The following NDST4 variants were observed in gnomAD, a reference collection of about 807,000 sequenced individuals.
The protein encoded by NDST4 is N-deacetylase and N-sulfotransferase 4.
In NDST4, 63 loss-of-function variants were observed where a neutral mutation model predicts 100.8. The observed-to-expected ratio is 0.62, with a 90% CI of 0.51 to 0.77. NDST4 has a LOEUF of 0.77. Among genes scored for constraint, NDST4 ranks in the 30% least tolerant of loss-of-function variants. NDST4 has a pLI of 0.00. For synonymous variants in NDST4, 377 were observed against 361.8 expected (o/e 1.04, Z -0.48); for missense variants, 943 against 1,018.4 (o/e 0.93, Z 1.01).
intron 6 of NDST4, among the ~76,000 whole-genome samples, chr4:114,890,305 C>T (rs951859168): frequency 2.6e-5 from 4 of 151,820 alleles, no homozygotes; most frequent in Non-Finnish European, 4.4e-5. Flanking sequence ...ATAGTTATCA[C>T]GATGACTATA....
rs551375579 is a variant in NDST4 at position 114,988,507 on chromosome 4, G to A, written c.979-11233C>T. Among the ~76,000 whole-genome samples, 36 of 151,330 alleles carry A rather than the reference G, an allele frequency of 2.4e-4. 1 individual carries two copies. The highest frequency in any genetic ancestry group is 9.2e-4 in the Admixed American group (14 of 15,170). ...CTCCCAAGTAGCTGGGACTACAGGC[G>A]CCCGCCACCACGCCTGGCTAATTTT... On this transcript the variant is annotated intron_variant, in intron 2 of 13. Transcript: ENST00000264363.
At chr4:115,051,565 C>A (rs1728584662) in intron 2 of NDST4, among the ~76,000 whole-genome samples, 1 of 152,066 alleles carries the variant, frequency 6.6e-6, no homozygotes, top group African/African-American at 2.4e-5. Context: ...GCCTCTAGTT[C>A]CATCCATGTG....
intron 1 of NDST4, among the ~76,000 whole-genome samples, chr4:115,082,874 T>C (rs1729331023): frequency 6.6e-6 from 1 of 152,166 alleles, no homozygotes; most frequent in African/African-American, 2.4e-5. Flanking sequence ...GCAAGTTTTA[T>C]TTTAATTTTA....
intron 7 of NDST4, among the ~76,000 whole-genome samples, chr4:114,854,303 A>C (rs931497412): frequency 9.9e-5 from 15 of 152,252 alleles, no homozygotes; most frequent in Non-Finnish European, 1.0e-4. Flanking sequence ...AAAATGACAA[A>C]ATCTCATTCT....
At chr4:115,075,028 G>A (rs1416222553) in intron 2 of NDST4, among the ~76,000 whole-genome samples, 1 of 152,108 alleles carries the variant, frequency 6.6e-6, no homozygotes, top group Non-Finnish European at 1.5e-5. Flanking sequence ...ACCTAATCTA[G>A]TGTAACATAT....
At chr4:114,895,615 A>G (rs1456664812) in intron 6 of NDST4, among the ~76,000 whole-genome samples, 1 of 143,766 alleles carries the variant, frequency 7.0e-6, no homozygotes, top group Non-Finnish European at 1.5e-5. Context: ...AAAAGGAGGG[A>G]CTCCTCCTTA....
At chr4:114,941,683 T>C (rs1156405538) in intron 4 of NDST4, among the ~76,000 whole-genome samples, 2 of 152,184 alleles carry the variant, frequency 1.3e-5, no homozygotes, top group African/African-American at 4.8e-5. Context: ...AGAGGCTTTT[T>C]GTTTTTAACG....
At chr4:115,098,882 T>C (rs1046041320) in intron 1 of NDST4, among the ~76,000 whole-genome samples, 1 of 152,066 alleles carries the variant, frequency 6.6e-6, no homozygotes, top group Admixed American at 6.6e-5. Flanking sequence ...TTTATATACA[T>C]ATTTTGTAGA....
intron 7 of NDST4, among the ~76,000 whole-genome samples, chr4:114,867,142 GC>G (rs1724043974): frequency 6.6e-6 from 1 of 152,086 alleles, no homozygotes; most frequent in African/African-American, 2.4e-5. Flanking sequence ...AATAGGTTGA[GC>G]TAGATGTCCC....
At chr4:115,062,644 A>G (rs1032859658) in intron 2 of NDST4, among the ~76,000 whole-genome samples, 5 of 151,542 alleles carry the variant, frequency 3.3e-5, no homozygotes, top group African/African-American at 1.2e-4. Flanking sequence ...ATTAATATAA[A>G]ATATAAAATA....
rs528392336 is a variant in NDST4, at chr4:115,004,419, C to T, written c.979-27145G>A. ...GTTTTCATCCCTATGGGAGGTAAAG[C>T]GAATTTGCAGACTGCTTTTGCAGCT... On this transcript the variant is annotated intron_variant, in intron 2 of 13. Transcript: ENST00000264363. Among the ~76,000 whole-genome samples the T allele has an allele frequency of 5.6e-4, 85 of 152,188 alleles. 1 individual carries two copies. In the South Asian group the frequency reaches 0.017, roughly 31 times the overall value.
At chr4:114,910,939 C>T (rs950671646) in intron 6 of NDST4, among the ~76,000 whole-genome samples, 2 of 152,186 alleles carry the variant, frequency 1.3e-5, no homozygotes, top group Non-Finnish European at 1.5e-5. Flanking sequence ...TCCATTATTA[C>T]TGCCTAGCTG....
At chr4:115,104,445 G>A (rs1219321042) in intron 1 of NDST4, among the ~76,000 whole-genome samples, 1 of 152,088 alleles carries the variant, frequency 6.6e-6, no homozygotes, top group African/African-American at 2.4e-5. Context: ...CAGTTGGTCA[G>A]AAGACCAACT....
At chr4:115,033,157 A>ATATATATATTT (rs1491126767) in intron 2 of NDST4, among the ~76,000 whole-genome samples, 1 of 59,948 alleles carries the variant, frequency 1.7e-5, no homozygotes, top group African/African-American at 5.8e-5. Context: ...ATATATATAT[A>ATATATATATTT]TTTTTTTTTT....
At position 114,895,347 on chromosome 4, in the gene NDST4, C is replaced by T. The variant is rs536094027; in HGVS notation, c.1537-24397G>A. ...GAATACAAACTACCATCAGAGAATA[C>T]TATAAACACATCTATGCAAATAAAC... On this transcript the variant is annotated intron_variant, in intron 6 of 13. Transcript: ENST00000264363. Among the ~76,000 whole-genome samples, 13 of 152,258 alleles carry T rather than the reference C, an allele frequency of 8.5e-5. No homozygotes were observed. The East Asian group carries it at 2.3e-3, about 27-fold the overall frequency.
intron 8 of NDST4, among the ~76,000 whole-genome samples, chr4:114,848,894 G>A (rs546828331): frequency 6.6e-6 from 1 of 152,216 alleles, no homozygotes; most frequent in African/African-American, 2.4e-5. Flanking sequence ...TAATTGTGAT[G>A]TTGTGGGACA....
At position 115,030,714 on chromosome 4, in the gene NDST4, A is replaced by G. The variant is rs1293354768; in HGVS notation, c.978+45345T>C. ...AAATTTTTAAAGAGAGATAGGAAAAACAAATTCAGTTTGGCAGAGAGTTTG... is the reference window on the plus strand; with the variant it reads ...AAATTTTTAAAGAGAGATAGGAAAAGCAAATTCAGTTTGGCAGAGAGTTTG... On this transcript the variant is annotated intron_variant, in intron 2 of 13. Transcript: ENST00000264363. 3.3e-5 allele frequency among the ~76,000 whole-genome samples: 5 copies of G among 152,136 alleles called. No homozygotes were observed. In the East Asian group the frequency reaches 5.8e-4, roughly 18 times the overall value.
At chr4:114,920,319 G>C (rs1725262241) in intron 6 of NDST4, among the ~76,000 whole-genome samples, 1 of 152,042 alleles carries the variant, frequency 6.6e-6, no homozygotes, top group African/African-American at 2.4e-5. Flanking sequence ...TGTCTATATA[G>C]ATTTGATTTC....
intron 4 of NDST4, among the ~76,000 whole-genome samples, chr4:114,956,579 G>A (rs1467051230): frequency 1.3e-5 from 2 of 152,150 alleles, no homozygotes; most frequent in Admixed American, 6.6e-5. Flanking sequence ...AAGCAATCAA[G>A]TATACAGCTG....
Sources: allele counts gnomAD v4.1 joint callset (sites outside exome capture counted in the v4.1 genomes callset), GRCh38; gene constraint gnomAD v4.1.1; transcripts MANE v1.5; gene names NCBI Gene and HGNC (gene_info 2026-07-23, HGNC 2026-07-21).